PHF14: variants seen among roughly 807,000 people sequenced by gnomAD.
PHF14 encodes the protein PHD finger protein 14.
PHF14 carries 55 observed loss-of-function variants against 117.9 expected under a neutral mutation model. The observed-to-expected ratio is 0.47, with a 90% CI of 0.38 to 0.58. PHF14 has a LOEUF of 0.58. Among genes scored for constraint, PHF14 ranks in the 20% least tolerant of loss-of-function variants. The pLI is 0.00. For missense variants in PHF14, 978 were observed against 1,122.2 expected (o/e 0.87, Z 1.84); for synonymous variants, 409 against 368.6 (o/e 1.11, Z -1.26).
intron 2 of PHF14, among the ~76,000 whole-genome samples, chr7:10,976,522 C>A (rs930407591): frequency 8.5e-5 from 13 of 152,090 alleles, no homozygotes; most frequent in Non-Finnish European, 1.8e-4. Flanking sequence ...TTAAGTATTA[C>A]ATTATTATGT....
At chr7:11,074,414 G>A (rs28822717) in intron 16 of PHF14, among the ~76,000 whole-genome samples, 2,098 of 152,028 alleles carry the variant, frequency 0.014, 46 homozygotes, top group African/African-American at 0.048. Flanking sequence ...GTTTCGCCGT[G>A]TTAGCCAGGA....
intron 16 of PHF14, among the ~76,000 whole-genome samples, chr7:11,074,219 T>TTCC (rs1785737727): frequency 6.6e-6 from 1 of 151,476 alleles, no homozygotes; most frequent in Non-Finnish European, 1.5e-5. Flanking sequence ...TTTTTTTCTT[T>TTCC]TTTTTTTTTG....
intron 17 of PHF14, among the ~76,000 whole-genome samples, chr7:11,123,833 G>A (rs1787843518): frequency 2.0e-5 from 3 of 146,596 alleles, no homozygotes; most frequent in South Asian, 4.2e-4. Flanking sequence ...TGGGTGAATC[G>A]CTTGAACCCA....
Position 11,071,317 on chromosome 7 carries a change from C to CAT in PHF14, c.2654+9234_2654+9235dup, listed in dbSNP as rs1275048793. On this transcript the variant is annotated intron_variant, in intron 16 of 17. Coordinates refer to ENST00000634607, the MANE Select transcript of PHF14 (RefSeq NM_001007157.2). ...CATTTGATCACAAGCTCCTGTGTAACATACTCAGTAGCATCTTCTTCCAAG... is the reference window on the plus strand; with the variant it reads ...CATTTGATCACAAGCTCCTGTGTAACATATACTCAGTAGCATCTTCTTCCAAG... The CAT allele has an allele frequency of 5.8e-6, 3 of 516,790 alleles. 1 individual carries two copies. Among genetic ancestry groups the CAT allele is most frequent in the South Asian group, 4.2e-5 (3 of 71,126 alleles). 32.0% of individuals were successfully genotyped at this position (516,790 alleles called of 1,614,324 possible).
intron 17 of PHF14, among the ~76,000 whole-genome samples, chr7:11,163,907 C>T (rs775924410): frequency 2.6e-4 from 40 of 152,066 alleles, no homozygotes; most frequent in South Asian, 1.0e-3. Flanking sequence ...ACACTTGTTC[C>T]GTAGCTACCA....
chr7:11,075,660 C>G (rs1785820113), intron 16 of PHF14, among the ~76,000 whole-genome samples: 1 of 148,940 alleles, frequency 6.7e-6, no homozygotes, highest in Admixed American at 6.8e-5. Flanking sequence ...ACCTCCAACA[C>G]TGGAAGTCAC....
At chr7:11,106,636 A>G (rs1389549105) in intron 16 of PHF14, 3 of 982,548 alleles carry the variant, frequency 3.1e-6, no homozygotes, top group Non-Finnish European at 3.6e-6. Context: ...ATTGGCCACT[A>G]TTCAATGAAA....
chr7:11,039,495 T>A (rs765231755), intron 11 of PHF14, among the ~76,000 whole-genome samples: 36 of 152,192 alleles, frequency 2.4e-4, no homozygotes, highest in Non-Finnish European at 3.7e-4. Context: ...CCTTTTTTAG[T>A]ACTGTGTATA....
At chr7:11,141,597 A>G (rs1788399779) in intron 17 of PHF14, among the ~76,000 whole-genome samples, 1 of 152,090 alleles carries the variant, frequency 6.6e-6, no homozygotes, top group African/African-American at 2.4e-5. Context: ...GTGTTATATA[A>G]TAGCCTAAGT....
chr7:11,104,405 T>C, intron 16 of PHF14: 1 of 951,336 alleles, frequency 1.1e-6, no homozygotes, highest in Middle Eastern at 5.4e-4. Flanking sequence ...TCTTAAATGC[T>C]CTCATATCCA....
In PHF14 at chr7:11,083,623, G is replaced by C. The variant is rs950124806; in HGVS notation, c.2654+21538G>C. Among the ~76,000 whole-genome samples the C allele has an allele frequency of 7.7e-4, 117 of 151,748 alleles. 2 individuals are homozygous for C. Among genetic ancestry groups the C allele is most frequent in the African/African-American group, 3.6e-4 (15 of 41,286 alleles). On this transcript the variant is annotated intron_variant, in intron 16 of 17. Coordinates refer to ENST00000634607, the MANE Select transcript of PHF14 (RefSeq NM_001007157.2). ...TTACAGGTGCCCGCCACTACGCCCG[G>C]CTAACTTCTTTGTATTTTTAGTAGA...
intron 17 of PHF14, among the ~76,000 whole-genome samples, chr7:11,122,352 T>TATATATATATAC: frequency 1.5e-5 from 1 of 65,856 alleles, no homozygotes; most frequent in Non-Finnish European, 2.8e-5. Flanking sequence ...TATATATATA[T>TATATATATATAC]ACACACACAC....
chr7:11,101,438 A>C (rs1001858934), intron 16 of PHF14, among the ~76,000 whole-genome samples: 1 of 151,784 alleles, frequency 6.6e-6, no homozygotes, highest in African/African-American at 2.4e-5. Flanking sequence ...GAATGTGCTC[A>C]AAAGCTCTTC....
chr7:11,076,724 C>T (rs1272912163), intron 16 of PHF14, among the ~76,000 whole-genome samples: 1 of 151,806 alleles, frequency 6.6e-6, no homozygotes, highest in Admixed American at 6.6e-5. Flanking sequence ...CACACCACCA[C>T]ACCCGACTAA....
At chr7:11,001,194 C>A (rs1782860090) in intron 4 of PHF14, among the ~76,000 whole-genome samples, 1 of 152,104 alleles carries the variant, frequency 6.6e-6, no homozygotes, top group South Asian at 2.1e-4. Context: ...TGTCAAAGAT[C>A]AGTTGACTAT....
At chr7:11,157,986 T>C (rs1244488675) in intron 17 of PHF14, among the ~76,000 whole-genome samples, 2 of 152,174 alleles carry the variant, frequency 1.3e-5, no homozygotes, top group Admixed American at 6.5e-5. Flanking sequence ...AAAAGAGTTG[T>C]AAAAATAGGA....
At chr7:10,994,100 T>A (rs1293125634) in intron 4 of PHF14, among the ~76,000 whole-genome samples, 1 of 151,890 alleles carries the variant, frequency 6.6e-6, no homozygotes, top group East Asian at 1.9e-4. Context: ...AGCAAGTCAC[T>A]TAAATATATT....
intron 4 of PHF14, among the ~76,000 whole-genome samples, chr7:11,012,071 A>G (rs1054929178): frequency 1.3e-5 from 2 of 152,220 alleles, no homozygotes; most frequent in Admixed American, 6.5e-5. Flanking sequence ...GTTGGTTTCT[A>G]AGATACCGGC....
At chr7:10,999,362 C>G (rs531466675) in intron 4 of PHF14, among the ~76,000 whole-genome samples, 1 of 152,282 alleles carries the variant, frequency 6.6e-6, no homozygotes, top group East Asian at 1.9e-4. Flanking sequence ...AGGGTACTGT[C>G]TCTTGTTGCT....
Sources: allele counts gnomAD v4.1 joint callset (sites outside exome capture counted in the v4.1 genomes callset), GRCh38; gene constraint gnomAD v4.1.1; transcripts MANE v1.5; gene names NCBI Gene and HGNC (gene_info 2026-07-23, HGNC 2026-07-21).